The following L3MBTL2 variants were observed in gnomAD, a reference collection of about 807,000 sequenced individuals.
L3MBTL2 encodes the protein lethal(3)malignant brain tumor-like protein 2.
In L3MBTL2, 49 loss-of-function variants were observed where a neutral mutation model predicts 86.4. The ratio of observed to expected loss-of-function variants is 0.57; its 90% CI spans 0.45 to 0.72. The LOEUF is 0.72. Ranked by LOEUF, L3MBTL2 falls within the 30% of genes least tolerant of loss-of-function variation. The probability of loss-of-function intolerance (pLI) is 0.00; values close to 1 mark genes in which losing one functional copy is unlikely to be tolerated. For missense variants in L3MBTL2, 755 were observed against 923.7 expected (o/e 0.82, Z 2.37); for synonymous variants, 336 against 350.6 (o/e 0.96, Z 0.47).
intron 5 of L3MBTL2, chr22:41,219,167 T>C (rs1001521836): frequency 2.5e-6 from 1 of 399,482 alleles, no homozygotes; most frequent in Non-Finnish European, 4.7e-6. Flanking sequence ...ATAAAGATTT[T>C]AGGACTCGGT....
At chr22:41,210,139 ATTTC>A in intron 2 of L3MBTL2, 3 of 345,228 alleles carry the variant, frequency 8.7e-6, no homozygotes, top group Non-Finnish European at 5.0e-6. Context: ...CTGAAGTCTA[ATTTC>A]TTTTTTTTTT....
At chr22:41,218,367 G>A (rs2031556229) in intron 5 of L3MBTL2, 1 of 152,152 alleles carries the variant, frequency 6.6e-6, no homozygotes, top group African/African-American at 2.4e-5. Flanking sequence ...ACAAAAATTA[G>A]CTGGAAGTGG....
At chr22:41,219,352 G>C in intron 5 of L3MBTL2, 67 bp from the exon 6 acceptor site, 1 of 1,192,884 alleles carries the variant, frequency 8.4e-7, no homozygotes, top group Non-Finnish European at 1.3e-6. Context: ...CTGAGGCCGT[G>C]AGGCAGTCTG....
intron 1 of L3MBTL2, among the ~76,000 whole-genome samples, chr22:41,206,798 CTG>C (rs1026264566): frequency 6.7e-6 from 1 of 149,924 alleles, no homozygotes; most frequent in African/African-American, 2.5e-5. Context: ...CAGAGCGAGA[CTG>C]TGTCTCAAAA....
At chr22:41,209,417 T>C (rs1458172441) in intron 1 of L3MBTL2, 4 of 363,346 alleles carry the variant, frequency 1.1e-5, no homozygotes, top group Non-Finnish European at 2.1e-5. Context: ...CACATTGTTA[T>C]ACAGTATTCT....
chr22:41,217,202 C>T lies in L3MBTL2; in HGVS notation c.600C>T (p.His200=), dbSNP rs779290651. 15 of 1,611,548 alleles carry T rather than the reference C, an allele frequency of 9.3e-6. No homozygotes were observed. The highest frequency in any genetic ancestry group is 3.3e-4 in the Middle Eastern group (2 of 6,080). Residue 200 remains histidine, a splice_region_variant and synonymous_variant, in exon 5 of 17, where the codon CAC becomes CAT. Coordinates refer to ENST00000216237, the MANE Select transcript of L3MBTL2 (RefSeq NM_031488.5). The part of the protein sequence containing the change: ...YKAAPVSCFK[H]VPLYDQWEDV... The stretch of plus-strand genomic sequence containing the variant: ...CTGCTCCCGTCAGCTGTTTCAAGCA[C>T]GTGAGTGCCCTGGAGCTGAGGGAGG...
intron 1 of L3MBTL2, among the ~76,000 whole-genome samples, chr22:41,207,423 A>T (rs1169652343): frequency 6.6e-6 from 1 of 151,506 alleles, no homozygotes; most frequent in Admixed American, 6.6e-5. Flanking sequence ...GGGTTTCCCT[A>T]TGTTGCCCAG....
At chr22:41,228,283 T>G (rs1305003037) in intron 15 of L3MBTL2, 1 of 984,650 alleles carries the variant, frequency 1.0e-6, no homozygotes, top group East Asian at 1.1e-4. Context: ...CCTCGAGACC[T>G]CTTTGAGGGT....
chr22:41,226,888 T>C (rs1304235731), intron 13 of L3MBTL2, 144 bp downstream of exon 13: 2 of 748,580 alleles, frequency 2.7e-6, no homozygotes, highest in African/African-American at 1.8e-5. Flanking sequence ...TCCCCAGCTA[T>C]GGCCTGGGCA....
intron 1 of L3MBTL2, among the ~76,000 whole-genome samples, chr22:41,208,862 C>A (rs1041452223): frequency 6.6e-6 from 1 of 152,078 alleles, no homozygotes; most frequent in Admixed American, 6.6e-5. Context: ...TCTGCCTCAG[C>A]TTCCCAAGTA....
At chr22:41,214,199 T>C in intron 3 of L3MBTL2, 173 bp downstream of exon 3, 1 of 620,302 alleles carries the variant, frequency 1.6e-6, no homozygotes, top group Non-Finnish European at 2.8e-6. Flanking sequence ...TGGAGCTTTT[T>C]AAATTATAGG....
At chr22:41,208,340 G>A (rs2030415077) in intron 1 of L3MBTL2, 1 of 446,036 alleles carries the variant, frequency 2.2e-6, no homozygotes, top group Non-Finnish European at 4.5e-6. Context: ...GTGTTGCCAA[G>A]GCTGGTCTCA....
At chr22:41,226,778 G>T in intron 13 of L3MBTL2, 34 bp downstream of exon 13, 1 of 1,491,180 alleles carries the variant, frequency 6.7e-7, no homozygotes, top group Non-Finnish European at 9.3e-7. Context: ...GGGGCCTGCG[G>T]TGGCCTCAGG....
At chr22:41,229,350 A>G (rs1179001188) in intron 15 of L3MBTL2, among the ~76,000 whole-genome samples, 190 bp from the exon 16 acceptor site, 1 of 152,180 alleles carries the variant, frequency 6.6e-6, no homozygotes, top group Non-Finnish European at 1.5e-5. Context: ...ATTACTTCCC[A>G]TTGGAGAGAA....
chr22:41,225,785 A>AC lies in L3MBTL2; in HGVS notation c.1357-3dup, dbSNP rs1569151072. Reference sequence around the variant, plus strand: ...TATGATCTGTCTGCCTGCTCCCCCCACCCCCCAGGTTCTCCTGGATGGATA... The same window carrying AC: ...TATGATCTGTCTGCCTGCTCCCCCCACCCCCCCAGGTTCTCCTGGATGGATA... On this transcript the variant is annotated splice_polypyrimidine_tract_variant and intron_variant, in intron 11 of 16. Coordinates refer to ENST00000216237, the MANE Select transcript of L3MBTL2 (RefSeq NM_031488.5). The surrounding 1 kb of genome is among the most constrained non-coding windows in gnomAD (Gnocchi z 4.1). The AC allele has an allele frequency of 1.9e-6, 3 of 1,601,996 alleles. No individual in the cohort carries two copies. In the East Asian group the frequency reaches 6.8e-5, roughly 36 times the overall value.
chr22:41,206,629 T>A (rs1199406134), intron 1 of L3MBTL2, among the ~76,000 whole-genome samples: 1 of 151,918 alleles, frequency 6.6e-6, no homozygotes, highest in Non-Finnish European at 1.5e-5. Flanking sequence ...AAACCCCATC[T>A]CTACTAAAAA....
intron 2 of L3MBTL2, among the ~76,000 whole-genome samples, chr22:41,210,956 G>A (rs1017663284): frequency 6.6e-6 from 1 of 152,164 alleles, no homozygotes; most frequent in African/African-American, 2.4e-5. Context: ...CAAATAACTT[G>A]TGGTTTGGAA....
chr22:41,221,866 G>A (rs1335153470), intron 8 of L3MBTL2, among the ~76,000 whole-genome samples: 1 of 150,696 alleles, frequency 6.6e-6, no homozygotes, highest in East Asian at 2.0e-4. Context: ...GCCTCCCAAA[G>A]TGCTGGGATT....
intron 8 of L3MBTL2, among the ~76,000 whole-genome samples, chr22:41,223,062 T>A (rs550856873): frequency 4.2e-4 from 64 of 152,332 alleles, no homozygotes; most frequent in African/African-American, 1.5e-3. Context: ...TCTCTCACTC[T>A]CCTGAGTGAG....
Sources: allele counts gnomAD v4.1 joint callset (sites outside exome capture counted in the v4.1 genomes callset), GRCh38; gene constraint gnomAD v4.1.1; non-coding constraint Gnocchi (gnomAD v3.1); transcripts MANE v1.5; gene names NCBI Gene and HGNC (gene_info 2026-07-23, HGNC 2026-07-21).